The following BCL11B variants were observed in gnomAD, a reference collection of about 807,000 sequenced individuals.
The protein encoded by BCL11B is BCL11 transcription factor B.
In BCL11B, 8 loss-of-function variants were observed where a neutral mutation model predicts 49.9. The ratio of observed to expected loss-of-function variants is 0.16; its 90% CI spans 0.09 to 0.29. The LOEUF is 0.29. Ranked by LOEUF, BCL11B falls within the 10% of genes least tolerant of loss-of-function variation. The pLI, the probability that BCL11B is intolerant of heterozygous loss-of-function variation, is 1.00. For missense variants in BCL11B, 1,006 were observed against 1,351.0 expected (o/e 0.74, Z 4.00); for synonymous variants, 739 against 637.4 (o/e 1.16, Z -2.40).
In BCL11B at chr14:99,248,960, C is replaced by G. The variant is rs980568390; in HGVS notation, c.427+8511G>C. ...AGAGTCCACTGTGCCTGCCTCTCCC[C>G]ACTCTGGACTCAACAGGGCCACTTG... On this transcript the variant is annotated intron_variant, in intron 2 of 3. Coordinates refer to ENST00000357195, the MANE Select transcript of BCL11B (RefSeq NM_138576.4). This position sits in a 1 kb window ranked among gnomAD's most constrained non-coding sequence, Gnocchi z 4.7. Among the ~76,000 whole-genome samples, 5 of 152,192 alleles carry G rather than the reference C, an allele frequency of 3.3e-5. No individual in the cohort carries two copies. Among genetic ancestry groups the G allele is most frequent in the Non-Finnish European group, 5.9e-5 (4 of 68,038 alleles).
At chr14:99,204,360 C>A (rs1427032727) in intron 3 of BCL11B, among the ~76,000 whole-genome samples, 3 of 152,148 alleles carry the variant, frequency 2.0e-5, no homozygotes, top group East Asian at 1.9e-4. Context: ...GCAACTGCCC[C>A]CGATCCCGCA....
intron 3 of BCL11B, among the ~76,000 whole-genome samples, chr14:99,179,638 G>A (rs1213754831): frequency 6.6e-6 from 1 of 152,046 alleles, no homozygotes; most frequent in Non-Finnish European, 1.5e-5. Context: ...TACTGGACCC[G>A]TGTCCGGGAA....
In BCL11B at chr14:99,257,870, A is replaced by C; in HGVS notation, c.59-31T>G. 1 of 1,493,246 alleles carries C rather than the reference A, an allele frequency of 6.7e-7. No individual in the cohort carries two copies. Among genetic ancestry groups the C allele is most frequent in the Non-Finnish European group, 8.9e-7 (1 of 1,119,498 alleles). The allele number at this position is 1,493,246 out of a possible 1,614,324, so 92.5% of individuals were successfully genotyped here. ...GACAGAAAGAAGAAAGGGAAGGGGC[A>C]GAGAAGATAGAGATGGGCTTAGGCG... On this transcript the variant is annotated intron_variant, in intron 1 of 3. Coordinates refer to ENST00000357195, the MANE Select transcript of BCL11B (RefSeq NM_138576.4). The surrounding 1 kb of genome is among the most constrained non-coding windows in gnomAD (Gnocchi z 6.2).
intron 2 of BCL11B, among the ~76,000 whole-genome samples, chr14:99,256,790 G>A (rs1889175860): frequency 1.3e-5 from 2 of 152,074 alleles, no homozygotes; most frequent in South Asian, 4.1e-4. Flanking sequence ...CATGTCAAAG[G>A]GCATATCCAA....
chr14:99,263,460 G>A (rs1008167481), intron 1 of BCL11B, among the ~76,000 whole-genome samples: 1 of 152,210 alleles, frequency 6.6e-6, no homozygotes, highest in African/African-American at 2.4e-5. Flanking sequence ...CTTTGGGCCT[G>A]GCCTGCAGGC....
rs1211591095 is a variant in BCL11B at position 99,173,138 on chromosome 14, C to A, written c.*1013G>T. On this transcript the variant is annotated 3_prime_UTR_variant, in exon 4 of 4. Transcript: ENST00000357195. ...AGCCAGAAAACGCCTAAAAGAACAC[C>A]GCTAGTTTCTTCCTTTCTGTGTCAC... 2 of 230,616 alleles carry A rather than the reference C, an allele frequency of 8.7e-6. No individual in the cohort carries two copies. The highest frequency in any genetic ancestry group is 1.7e-5 in the Non-Finnish European group (2 of 116,504). 14.3% of individuals were successfully genotyped at this position (230,616 alleles called of 1,614,324 possible).
chr14:99,202,473 A>C (rs1457223955), intron 3 of BCL11B, among the ~76,000 whole-genome samples: 1 of 152,214 alleles, frequency 6.6e-6, no homozygotes, highest in Non-Finnish European at 1.5e-5. Context: ...TAGCAATTTC[A>C]TGATCAGCCA....
intron 3 of BCL11B, among the ~76,000 whole-genome samples, chr14:99,200,126 G>A (rs1426243118): frequency 1.3e-5 from 2 of 151,166 alleles, no homozygotes; most frequent in Non-Finnish European, 2.9e-5. Context: ...TTTTTAAACA[G>A]TCTTATTGAC....
chr14:99,187,476 G>A (rs867529738), intron 3 of BCL11B, among the ~76,000 whole-genome samples: 1 of 152,218 alleles, frequency 6.6e-6, no homozygotes, highest in South Asian at 2.1e-4. Flanking sequence ...AGTGGGTTTT[G>A]GTGGGCCGAT....
intron 3 of BCL11B, among the ~76,000 whole-genome samples, chr14:99,198,920 T>C (rs1887260390): frequency 6.6e-6 from 1 of 152,126 alleles, no homozygotes; most frequent in Non-Finnish European, 1.5e-5. Flanking sequence ...CATCCCCAGG[T>C]GCACCCCAGC....
At chr14:99,179,444 A>G (rs1004539478) in intron 3 of BCL11B, among the ~76,000 whole-genome samples, 8 of 137,402 alleles carry the variant, frequency 5.8e-5, no homozygotes, top group Admixed American at 2.4e-4. Context: ...ACTGCACTCC[A>G]GCCTGGGCGA....
chr14:99,257,474 C>T lies in BCL11B; in HGVS notation c.424G>A (p.Ala142Thr), dbSNP rs2139953109. 6.3e-7 allele frequency: 1 copy of T among 1,592,280 alleles called. No individual in the cohort carries two copies. The highest frequency in any genetic ancestry group is 1.1e-5 in the South Asian group (1 of 88,340). Residue 142 changes from alanine to threonine, a missense_variant, in exon 2 of 4, where the codon GCA (alanine) becomes ACA (threonine). Ala to Thr is a moderately conservative substitution (Grantham distance 58). This residue lies in a region of BCL11B where 411 missense variants were observed against 542.2 expected (regional missense o/e 0.76). Transcript: ENST00000357195. This position sits in a 1 kb window ranked among gnomAD's most constrained non-coding sequence, Gnocchi z 6.2. ...KGICPKQENIAGPCRPAQLPA... is the reference protein window; with the variant it reads ...KGICPKQENITGPCRPAQLPA... ...AGGCAAGCGCAGCATCCCATACCTGCAATGTTCTCCTGCTTGGGACAGATG... is the reference window on the plus strand; with the variant it reads ...AGGCAAGCGCAGCATCCCATACCTGTAATGTTCTCCTGCTTGGGACAGATG...
rs757144399 is a variant in BCL11B at position 99,175,683 on chromosome 14, C to T, written c.1153G>A (p.Gly385Ser). The T allele has an allele frequency of 9.8e-6, 15 of 1,534,496 alleles. No individual in the cohort carries two copies. The highest frequency in any genetic ancestry group is 4.9e-5 in the East Asian group (2 of 41,134). The change falls in exon 4 of 4, where the codon GGC becomes AGC. Residue 385 changes from glycine to serine, a missense_variant. This residue lies in a region of BCL11B where 97 missense variants were observed against 81.5 expected (regional missense o/e 1.19). Coordinates refer to ENST00000357195, the MANE Select transcript of BCL11B (RefSeq NM_138576.4). Reference protein sequence around the residue: ...STPPPVSPGRGNPMHRLLNPF... With the variant: ...STPPPVSPGRSNPMHRLLNPF... Reference sequence around the variant, plus strand: ...TTCAGGAGCCGGTGCATAGGGTTGCCGCGGCCCGGGGACACGGGCGGCGGC... The same window carrying T: ...TTCAGGAGCCGGTGCATAGGGTTGCTGCGGCCCGGGGACACGGGCGGCGGC...
chr14:99,260,736 C>G (rs1889312030), intron 1 of BCL11B, among the ~76,000 whole-genome samples: 1 of 151,846 alleles, frequency 6.6e-6, no homozygotes, highest in Admixed American at 6.6e-5. Context: ...ATGCAGCAGC[C>G]CTGCGAGCCC....
rs955014535 is a variant in BCL11B at position 99,231,793 on chromosome 14, G to A, written c.428-236C>T. 1.3e-5 allele frequency among the ~76,000 whole-genome samples: 2 copies of A among 151,962 alleles called. No homozygotes were observed. Among genetic ancestry groups the A allele is most frequent in the African/African-American group, 2.4e-5 (1 of 41,406 alleles). On this transcript the variant is annotated intron_variant, in intron 2 of 3. Transcript: ENST00000357195. This position sits in a 1 kb window ranked among gnomAD's most constrained non-coding sequence, Gnocchi z 8.1. Reference sequence around the variant, plus strand: ...CCGGTTTCCACAGCTGCCAGGCTGGGCTGTCGGGGAGGCAGGACCCCGCCT... The same window carrying A: ...CCGGTTTCCACAGCTGCCAGGCTGGACTGTCGGGGAGGCAGGACCCCGCCT...
At chr14:99,265,025 GAGC>G (rs1428995602) in intron 1 of BCL11B, among the ~76,000 whole-genome samples, 1 of 152,136 alleles carries the variant, frequency 6.6e-6, no homozygotes, top group Non-Finnish European at 1.5e-5. Context: ...GGACAGGACA[GAGC>G]ACACAGGACC....
chr14:99,217,365 C>G (rs1887876659), intron 3 of BCL11B, among the ~76,000 whole-genome samples: 1 of 145,804 alleles, frequency 6.9e-6, no homozygotes, highest in Non-Finnish European at 1.5e-5. Context: ...CTCACGAGTA[C>G]AAATATACAC....
chr14:99,258,010 C>A (rs958655511), intron 1 of BCL11B, among the ~76,000 whole-genome samples, 171 bp from the exon 2 acceptor site: 4 of 152,206 alleles, frequency 2.6e-5, no homozygotes, highest in African/African-American at 9.6e-5. Flanking sequence ...TGAGCATCCC[C>A]CACAGGACAG....
At chr14:99,235,369 C>T (rs932878801) in intron 2 of BCL11B, among the ~76,000 whole-genome samples, 19 of 152,146 alleles carry the variant, frequency 1.2e-4, no homozygotes, top group African/African-American at 4.1e-4. Flanking sequence ...GGAGGCAGCG[C>T]GTGTGAGTGA....
Sources: gnomAD v4.1 joint callset for allele counts (sites outside exome capture counted in the v4.1 genomes callset) on GRCh38, gnomAD v4.1.1 for gene constraint, gnomAD v4.1.1 regional missense constraint, Gnocchi (gnomAD v3.1) non-coding constraint, MANE v1.5 for transcripts, NCBI Gene and HGNC (gene_info 2026-07-23, HGNC 2026-07-21) for gene names.